Variants in SLC26A7 observed in about 807,000 individuals in gnomAD.
The protein encoded by SLC26A7 is solute carrier family 26 member 7.
In SLC26A7, 59 loss-of-function variants were observed where a neutral mutation model predicts 82.5. The ratio of observed to expected loss-of-function variants is 0.72; its 90% CI spans 0.58 to 0.89. The LOEUF (loss-of-function observed/expected upper bound fraction) is 0.89, where lower values mean the gene tolerates loss of function less well. SLC26A7 is among the 40% of genes least tolerant of loss of function. The pLI is 0.00. For missense variants in SLC26A7, 820 were observed against 793.0 expected (o/e 1.03, Z -0.41); for synonymous variants, 271 against 274.3 (o/e 0.99, Z 0.12).
Position 91,367,639 on chromosome 8 carries a change from T to C in SLC26A7, c.1626+922T>C, listed in dbSNP as rs138966269. 5.1e-3 allele frequency among the ~76,000 whole-genome samples: 782 copies of C among 152,284 alleles called. 4 individuals are homozygous for C. The highest frequency in any genetic ancestry group is 0.018 in the African/African-American group (758 of 41,534). On this transcript the variant is annotated intron_variant, in intron 14 of 18. Transcript: ENST00000276609. Reference sequence around the variant, plus strand: ...GACTTGTTGAATCTTTGTTCTTCAGTTTTCTCACATGTAATTGAGATGATT... The same window carrying C: ...GACTTGTTGAATCTTTGTTCTTCAGCTTTCTCACATGTAATTGAGATGATT...
chr8:91,377,099 G>T lies in SLC26A7; in HGVS notation c.1675+7266G>T, dbSNP rs538564253. 1.6e-3 allele frequency among the ~76,000 whole-genome samples: 246 copies of T among 152,162 alleles called. 2 individuals are homozygous for T. Among genetic ancestry groups the T allele is most frequent in the African/African-American group, 5.3e-3 (221 of 41,508 alleles). ...TGTTCTGTATAGGAAGGAGAAGGTG[G>T]TCCCTGCTCATTGTGCAATCCCAAG... On this transcript the variant is annotated intron_variant, in intron 15 of 18. Coordinates refer to ENST00000276609, the MANE Select transcript of SLC26A7 (RefSeq NM_052832.4).
intron 15 of SLC26A7, among the ~76,000 whole-genome samples, chr8:91,376,228 T>C (rs963216509): frequency 6.6e-6 from 1 of 152,194 alleles, no homozygotes; most frequent in African/African-American, 2.4e-5. Flanking sequence ...ATTTCTGACT[T>C]TTCCTTTTGG....
chr8:91,225,663 T>G (rs13278693), intron 2 of SLC26A7, among the ~76,000 whole-genome samples: 5,942 of 138,966 alleles, frequency 0.043, 216 homozygotes, highest in Middle Eastern at 0.094. Context: ...TTTTTTTTTT[T>G]TTTTTTTTTT....
chr8:91,275,122 AAC>A (rs1441645254), intron 2 of SLC26A7, among the ~76,000 whole-genome samples: 1 of 152,178 alleles, frequency 6.6e-6, no homozygotes, highest in Non-Finnish European at 1.5e-5. Flanking sequence ...AAAGAAAACA[AAC>A]AAATCCAAAA....
intron 15 of SLC26A7, among the ~76,000 whole-genome samples, chr8:91,382,533 C>A: frequency 6.6e-6 from 1 of 152,058 alleles, no homozygotes. Context: ...TCTTTTCAAT[C>A]TTGTTAGGGA....
chr8:91,279,135 A>ATATATATATATATATATATG (rs1563656878), intron 2 of SLC26A7, among the ~76,000 whole-genome samples: 3 of 86,344 alleles, frequency 3.5e-5, no homozygotes, highest in African/African-American at 1.0e-4. Context: ...GTATATATAT[A>ATATATATATATATATATATG]TATATATATA....
intron 15 of SLC26A7, among the ~76,000 whole-genome samples, chr8:91,384,098 C>T (rs922447626): frequency 3.3e-5 from 5 of 152,104 alleles, no homozygotes; most frequent in African/African-American, 7.2e-5. Flanking sequence ...TAAAACAGCA[C>T]GGATTTGTTA....
At chr8:91,392,539 T>C (rs1198963102) in intron 16 of SLC26A7, among the ~76,000 whole-genome samples, 1 of 152,230 alleles carries the variant, frequency 6.6e-6, no homozygotes, top group Non-Finnish European at 1.5e-5. Flanking sequence ...GTGTAAATAA[T>C]ATCATTGCAT....
At chr8:91,268,966 A>G (rs1236919899) in intron 2 of SLC26A7, among the ~76,000 whole-genome samples, 1 of 151,946 alleles carries the variant, frequency 6.6e-6, no homozygotes, top group African/African-American at 2.4e-5. Context: ...AACAAAAACA[A>G]ACTTTGTACT....
At chr8:91,342,919 G>A (rs756934851) in intron 8 of SLC26A7, 1 of 158,762 alleles carries the variant, frequency 6.3e-6, no homozygotes, top group Non-Finnish European at 1.4e-5. Context: ...GGACATCCTA[G>A]AAGCCAAGTG....
intron 2 of SLC26A7, among the ~76,000 whole-genome samples, chr8:91,268,671 GTTA>G (rs1811180847): frequency 6.6e-6 from 1 of 151,666 alleles, no homozygotes; most frequent in African/African-American, 2.4e-5. Flanking sequence ...TGCATTTAAT[GTTA>G]TTATTGATAG....
chr8:91,351,907 C>G lies in SLC26A7; in HGVS notation c.1218+20C>G. ...CCCATGGTACGGTAGTGCTTTTTCA[C>G]TATCTACTTTTTAATTTAACTTTTC... On this transcript the variant is annotated intron_variant, in intron 10 of 18. Transcript: ENST00000276609. 1.3e-6 allele frequency: 2 copies of G among 1,537,284 alleles called. No homozygotes were observed. The highest frequency in any genetic ancestry group is 1.8e-6 in the Non-Finnish European group (2 of 1,113,046).
upstream of SLC26A7, among the ~76,000 whole-genome samples, chr8:91,245,206 G>A (rs2130689759): frequency 6.6e-6 from 1 of 152,240 alleles, no homozygotes; most frequent in East Asian, 1.9e-4. Flanking sequence ...TATGTGTTAT[G>A]TGTCATTGGG....
At chr8:91,266,708 CT>C (rs1465786576) in intron 2 of SLC26A7, among the ~76,000 whole-genome samples, 1 of 151,868 alleles carries the variant, frequency 6.6e-6, no homozygotes, top group Admixed American at 6.6e-5. Context: ...TGACTCCCTC[CT>C]TTCCAATTTG....
chr8:91,345,863 C>T (rs1008472050), intron 9 of SLC26A7, among the ~76,000 whole-genome samples: 5 of 152,004 alleles, frequency 3.3e-5, no homozygotes, highest in Admixed American at 2.0e-4. Flanking sequence ...CCTTTAATAT[C>T]GAGTGTCTGA....
chr8:91,385,895 C>T (rs1052839726), intron 15 of SLC26A7, among the ~76,000 whole-genome samples: 2 of 152,048 alleles, frequency 1.3e-5, no homozygotes, highest in Non-Finnish European at 2.9e-5. Flanking sequence ...TTTTAATCAC[C>T]ATTTTCTAGT....
At chr8:91,366,520 A>T in intron 13 of SLC26A7, 60 bp from the exon 14 acceptor site, 1 of 1,557,484 alleles carries the variant, frequency 6.4e-7, no homozygotes, top group South Asian at 1.2e-5. Flanking sequence ...TTTAGATCTG[A>T]TTGTTTATTG....
rs1264235589 is a variant in SLC26A7, at chr8:91,369,638, CATT to C, written c.1627-143_1627-141del. The stretch of plus-strand genomic sequence containing the variant: ...TTATTATTTCATAGTTTGTTTTATA[CATT>C]ATTCTGAAAAGAATGCTAGTGAAAA... On this transcript the variant is annotated intron_variant, in intron 14 of 18. Coordinates refer to ENST00000276609, the MANE Select transcript of SLC26A7 (RefSeq NM_052832.4). 1.1e-5 allele frequency: 6 copies of C among 540,900 alleles called. No individual in the cohort carries two copies. In the East Asian group the frequency reaches 2.0e-4, roughly 18 times the overall value. The allele number at this position is 540,900 out of a possible 1,614,324, so 33.5% of individuals were successfully genotyped here. A position where few individuals can be genotyped will look rare whatever the true frequency, so the allele number is the denominator to read the frequency against.
At chr8:91,252,543 T>C (rs989232073) in intron 2 of SLC26A7, among the ~76,000 whole-genome samples, 15 of 152,024 alleles carry the variant, frequency 9.9e-5, no homozygotes, top group Non-Finnish European at 1.2e-4. Context: ...CTTCTTATGA[T>C]TCTCTGCAGA....
Sources: gnomAD v4.1 joint callset for allele counts (sites outside exome capture counted in the v4.1 genomes callset) on GRCh38, gnomAD v4.1.1 for gene constraint, MANE v1.5 for transcripts, NCBI Gene and HGNC (gene_info 2026-07-23, HGNC 2026-07-21) for gene names.